Variants in CAPN3 observed in about 807,000 individuals in gnomAD.
CAPN3 encodes the protein calpain 3.
In CAPN3, 88 loss-of-function variants were observed where a neutral mutation model predicts 114.0. The observed-to-expected ratio is 0.77, with a 90% confidence interval of 0.65 to 0.92. CAPN3 has a LOEUF of 0.92. CAPN3 is among the 40% of genes least tolerant of loss of function. The pLI, the probability that CAPN3 is intolerant of heterozygous loss-of-function variation, is 0.00. For synonymous variants in CAPN3, 386 were observed against 382.9 expected (o/e 1.01, Z -0.09); for missense variants, 1,028 against 1,069.0 (o/e 0.96, Z 0.53).
intron 2 of CAPN3, chr15:42,385,587 A>G (rs1011736656): frequency 2.0e-5 from 10 of 496,298 alleles, no homozygotes; most frequent in African/African-American, 1.2e-4. Flanking sequence ...ACCTCCAACT[A>G]CATACAGTAC....
At chr15:42,383,179 A>T (rs1184820940) in intron 1 of CAPN3, among the ~76,000 whole-genome samples, 1 of 152,170 alleles carries the variant, frequency 6.6e-6, no homozygotes, top group African/African-American at 2.4e-5. Flanking sequence ...GCTTCAGCTC[A>T]CTTGGGTATA....
At chr15:42,411,495 G>A (rs897192664) in intron 23 of CAPN3, 150 bp downstream of exon 23, 24 of 842,318 alleles carry the variant, frequency 2.8e-5, no homozygotes, top group Non-Finnish European at 4.5e-5. Context: ...GGCTCAGCAG[G>A]CTCCCAGGAC....
chr15:42,394,556 C>G (rs2053642190), intron 8 of CAPN3, among the ~76,000 whole-genome samples: 1 of 152,074 alleles, frequency 6.6e-6, no homozygotes, highest in Non-Finnish European at 1.5e-5. Flanking sequence ...TTGCTGACAA[C>G]CATTGGCTGG....
chr15:42,398,851 A>C (rs1024294465), intron 9 of CAPN3, among the ~76,000 whole-genome samples: 3 of 140,958 alleles, frequency 2.1e-5, no homozygotes, highest in African/African-American at 8.2e-5. Context: ...ATGGCGCAAT[A>C]TCGGCTCACT....
intron 1 of CAPN3, among the ~76,000 whole-genome samples, chr15:42,364,477 C>A (rs1253500886): frequency 6.6e-6 from 1 of 152,154 alleles, no homozygotes; most frequent in Non-Finnish European, 1.5e-5. Context: ...TTAATTTGTG[C>A]CTATGACCAG....
chr15:42,387,673 C>T, intron 3 of CAPN3, 80 bp from the exon 4 acceptor site: 3 of 1,545,550 alleles, frequency 1.9e-6, no homozygotes, highest in African/African-American at 1.4e-5. Flanking sequence ...ATTCAAGAAC[C>T]CCCTGAGGAA....
intron 4 of CAPN3, among the ~76,000 whole-genome samples, chr15:42,388,325 A>T (rs192001336): frequency 7.2e-4 from 109 of 152,224 alleles, no homozygotes; most frequent in Non-Finnish European, 1.1e-3. Flanking sequence ...ATTTTTTTGA[A>T]ACAAGGTCTC....
intron 8 of CAPN3, 53 bp from the exon 9 acceptor site, chr15:42,396,747 A>T: frequency 1.4e-6 from 2 of 1,387,210 alleles, no homozygotes; most frequent in African/African-American, 1.4e-5. Flanking sequence ...GTCCCAACCT[A>T]CATCAGGCCT....
At chr15:42,409,760 A>C in intron 17 of CAPN3, 27 bp from the exon 18 acceptor site, 1 of 1,610,082 alleles carries the variant, frequency 6.2e-7, no homozygotes. Context: ...CTCCTGAACC[A>C]TGACCCTCCT....
chr15:42,399,026 C>A (rs1471264867), intron 9 of CAPN3, among the ~76,000 whole-genome samples: 2 of 151,992 alleles, frequency 1.3e-5, no homozygotes, highest in African/African-American at 4.8e-5. Context: ...CTCAGGTGAT[C>A]CACCTGCCTC....
In CAPN3 at chr15:42,394,976, G is replaced by T. The variant is rs149097409; in HGVS notation, c.1115+635G>T. Among the ~76,000 whole-genome samples the T allele has an allele frequency of 1.9e-3, 288 of 152,304 alleles. 2 individuals are homozygous for T. The highest frequency in any genetic ancestry group is 1.1e-3 in the Non-Finnish European group (72 of 68,030). On this transcript the variant is annotated intron_variant, in intron 8 of 23. Transcript: ENST00000397163. ...ACTGAATGAGAGGCAATTCATTACTGAATGAGCCATAAGCGCCTCTTATTT... is the reference window on the plus strand; with the variant it reads ...ACTGAATGAGAGGCAATTCATTACTTAATGAGCCATAAGCGCCTCTTATTT...
intron 12 of CAPN3, chr15:42,402,364 G>A (rs182264795): frequency 2.3e-5 from 33 of 1,466,592 alleles, no homozygotes; most frequent in African/African-American, 2.1e-4. Flanking sequence ...GACACTGCAC[G>A]TCACACACAT....
In CAPN3 at chr15:42,359,974, A is replaced by G. The variant is rs778667728; in HGVS notation, c.169A>G (p.Lys57Glu). The change falls in exon 1 of 24, where the codon AAA (lysine) becomes GAA (glutamate). Residue 57 changes from lysine (K) to glutamate (E), a missense_variant. Transcript: ENST00000397163. Reference sequence around the variant, plus strand: ...CCGCAATTTTCCTATTATCGGAGTGAAAGAGAAGACATTCGAGCAACTTCA... The same window carrying G: ...CCGCAATTTTCCTATTATCGGAGTGGAAGAGAAGACATTCGAGCAACTTCA... ...ISRNFPIIGV[K>E]EKTFEQLHKK... 2.5e-6 allele frequency: 4 copies of G among 1,614,224 alleles called. No homozygotes were observed. The Admixed American group carries it at 5.0e-5, about 20-fold the overall frequency.
In CAPN3 at chr15:42,359,644, C is replaced by A; in HGVS notation, c.-162C>A. On this transcript the variant is annotated 5_prime_UTR_variant, in exon 1 of 24. The change creates a new upstream start codon in the 5' untranslated region. Transcript: ENST00000397163. Reference sequence around the variant, plus strand: ...GCTCGGTTTTTAAGATGGACATAACCTGTACGACCTTCTGATGGGCTTTCA... The same window carrying A: ...GCTCGGTTTTTAAGATGGACATAACATGTACGACCTTCTGATGGGCTTTCA... The A allele has an allele frequency of 6.8e-7, 1 of 1,480,064 alleles. No individual in the cohort carries two copies. The highest frequency in any genetic ancestry group is 1.4e-5 in the South Asian group (1 of 71,616). The allele number at this position is 1,480,064 out of a possible 1,614,324, so 91.7% of individuals were successfully genotyped here. A position where few individuals can be genotyped will look rare whatever the true frequency, so the allele number is the denominator to read the frequency against.
chr15:42,385,980 G>A lies in CAPN3; in HGVS notation c.380-187G>A, dbSNP rs1041834440. ...GAGTAAGTTACCTGTTGATCATATT[G>A]TCAAGGAATTCCTGTCCAATTCTCC... is the stretch of plus-strand genomic sequence containing the variant. On this transcript the variant is annotated intron_variant, in intron 2 of 23. Transcript: ENST00000397163. 4.1e-6 allele frequency: 3 copies of A among 739,772 alleles called. No homozygotes were observed. In the Admixed American group the frequency reaches 5.4e-5, roughly 13 times the overall value. 45.8% of individuals were successfully genotyped at this position (739,772 alleles called of 1,614,324 possible).
At chr15:42,390,694 C>A (rs2053528844) in intron 6 of CAPN3, among the ~76,000 whole-genome samples, 1 of 151,898 alleles carries the variant, frequency 6.6e-6, no homozygotes, top group African/African-American at 2.4e-5. Context: ...TTTTTCTATG[C>A]ACACACTGAA....
chr15:42,405,224 T>A lies in CAPN3; in HGVS notation c.1783-702T>A, dbSNP rs554308866. 5.9e-5 allele frequency among the ~76,000 whole-genome samples: 9 copies of A among 152,318 alleles called. No homozygotes were observed. In the East Asian group the frequency reaches 9.6e-4, roughly 16 times the overall value. ...TTGCTCAAAAATTTTTAAAAAATAT[T>A]CTGTAAGTCAAAATCCATTGTTAGG... On this transcript the variant is annotated intron_variant, in intron 14 of 23. Coordinates refer to ENST00000397163, the MANE Select transcript of CAPN3 (RefSeq NM_000070.3).
intron 9 of CAPN3, among the ~76,000 whole-genome samples, chr15:42,398,918 A>G (rs1005178115): frequency 2.0e-5 from 3 of 150,374 alleles, no homozygotes; most frequent in African/African-American, 4.9e-5. Flanking sequence ...CCAAGTAACT[A>G]GGATTACAAG....
Position 42,387,867 on chromosome 15 carries a change from C to T in CAPN3, c.613C>T (p.Leu205=). ...NHRNEFWSAL[L]EKAYAKLHGS... ...CCGCAATGAGTTCTGGAGTGCTCTGCTGGAGAAGGCTTATGCTAAGTAAGC... is the reference window on the plus strand; with the variant it reads ...CCGCAATGAGTTCTGGAGTGCTCTGTTGGAGAAGGCTTATGCTAAGTAAGC... The change falls in exon 4 of 24, where the codon CTG becomes TTG. Residue 205 remains leucine (L), a synonymous_variant. Coordinates refer to ENST00000397163, the MANE Select transcript of CAPN3 (RefSeq NM_000070.3). 6.2e-7 allele frequency: 1 copy of T among 1,614,114 alleles called. No homozygotes were observed. The highest frequency in any genetic ancestry group is 1.1e-5 in the South Asian group (1 of 91,078).
Sources: gnomAD v4.1 joint callset for allele counts (sites outside exome capture counted in the v4.1 genomes callset) on GRCh38, gnomAD v4.1.1 for gene constraint, MANE v1.5 for transcripts, NCBI Gene and HGNC (gene_info 2026-07-23, HGNC 2026-07-21) for gene names.